RALGAPA1: variants seen among roughly 807,000 people sequenced by gnomAD.
RALGAPA1 encodes ral GTPase-activating protein subunit alpha-1.
RALGAPA1 carries 52 observed loss-of-function variants against 269.6 expected under a neutral mutation model. That is an observed-to-expected ratio of 0.19 (90% CI 0.15 to 0.24). The LOEUF is 0.24. RALGAPA1 is among the 10% of genes least tolerant of loss of function. RALGAPA1 has a pLI of 1.00. For missense variants in RALGAPA1, 1,917 were observed against 3,013.9 expected (o/e 0.64, Z 8.52); for synonymous variants, 817 against 1,008.3 (o/e 0.81, Z 3.60).
intron 37 of RALGAPA1, among the ~76,000 whole-genome samples, chr14:35,590,567 C>T (rs2058573492): frequency 6.6e-6 from 1 of 152,186 alleles, no homozygotes; most frequent in African/African-American, 2.4e-5. Context: ...CACTCCGTGG[C>T]CTGCCGCCAT....
At chr14:35,630,570 C>A (rs2061298716) in intron 33 of RALGAPA1, among the ~76,000 whole-genome samples, 1 of 151,958 alleles carries the variant, frequency 6.6e-6, no homozygotes, top group South Asian at 2.1e-4. Flanking sequence ...GTGTGAGTGA[C>A]TGCACCCACC....
At chr14:35,771,806 G>T (rs2074650499) in intron 3 of RALGAPA1, among the ~76,000 whole-genome samples, 1 of 152,048 alleles carries the variant, frequency 6.6e-6, no homozygotes, top group African/African-American at 2.4e-5. Context: ...AACAAGGTGG[G>T]AATACAGGCA....
At chr14:35,803,870 T>C (rs941570472) in intron 1 of RALGAPA1, among the ~76,000 whole-genome samples, 4 of 151,874 alleles carry the variant, frequency 2.6e-5, no homozygotes, top group Non-Finnish European at 5.9e-5. Context: ...GTGAGCCACC[T>C]GCCTCAGCCT....
At chr14:35,594,359 C>A (rs2058808513) in intron 37 of RALGAPA1, among the ~76,000 whole-genome samples, 1 of 152,074 alleles carries the variant, frequency 6.6e-6, no homozygotes, top group Non-Finnish European at 1.5e-5. Context: ...AACATATTTG[C>A]AAACCGCTTA....
chr14:35,732,147 A>T (rs1368483663), intron 12 of RALGAPA1, among the ~76,000 whole-genome samples: 1 of 152,192 alleles, frequency 6.6e-6, no homozygotes, highest in African/African-American at 2.4e-5. Flanking sequence ...AGCATCATAT[A>T]TGAAGGAAAG....
rs57282578 is a variant in RALGAPA1 at position 35,751,811 on chromosome 14, AC to A, written c.802+212del. ...AAAAAAAACAACAACAACAACAACA[AC>A]AAAAAAAAACAAAAAAAGAAAAACT... On this transcript the variant is annotated intron_variant, in intron 8 of 41. Coordinates refer to ENST00000680220, the MANE Select transcript of RALGAPA1 (RefSeq NM_001346249.2). Among the ~76,000 whole-genome samples, 186 of 119,166 alleles carry A rather than the reference AC, an allele frequency of 1.6e-3. 2 individuals are homozygous for A. In the South Asian group the frequency reaches 0.031, roughly 20 times the overall value. The allele number at this position is 119,166 out of a possible 152,430, so 78.2% of individuals were successfully genotyped here.
chr14:35,687,558 G>A (rs1372358394), intron 18 of RALGAPA1, among the ~76,000 whole-genome samples: 3 of 152,270 alleles, frequency 2.0e-5, no homozygotes, highest in Non-Finnish European at 2.9e-5. Flanking sequence ...ATTATACAGC[G>A]TTGTTAATCA....
chr14:35,540,327 A>C (rs1337663403), intron 41 of RALGAPA1, among the ~76,000 whole-genome samples: 1 of 151,904 alleles, frequency 6.6e-6, no homozygotes, highest in Non-Finnish European at 1.5e-5. Context: ...AGGCAAACTG[A>C]CTCCCCCAAA....
At chr14:35,575,596 C>CTTAT (rs1366014182) in intron 37 of RALGAPA1, among the ~76,000 whole-genome samples, 1 of 152,088 alleles carries the variant, frequency 6.6e-6, no homozygotes, top group East Asian at 1.9e-4. Flanking sequence ...CAACCCATTT[C>CTTAT]TTATTTATTT....
At chr14:35,595,453 T>C (rs1273842852) in intron 37 of RALGAPA1, among the ~76,000 whole-genome samples, 181 bp downstream of exon 37, 1 of 152,030 alleles carries the variant, frequency 6.6e-6, no homozygotes, top group South Asian at 2.1e-4. Context: ...ACCATATCAT[T>C]GTTTCTTAAA....
chr14:35,598,942 T>A (rs567602027), intron 36 of RALGAPA1, among the ~76,000 whole-genome samples: 28 of 152,312 alleles, frequency 1.8e-4, no homozygotes, highest in African/African-American at 6.5e-4. Context: ...AACTTGAACA[T>A]TTTCTAGAAC....
intron 1 of RALGAPA1, among the ~76,000 whole-genome samples, chr14:35,801,730 G>A (rs1402809218): frequency 1.3e-5 from 2 of 151,946 alleles, no homozygotes; most frequent in African/African-American, 2.4e-5. Flanking sequence ...AGCCAACCAG[G>A]AATAGAATGA....
chr14:35,769,376 C>A (rs1430754706), intron 4 of RALGAPA1, among the ~76,000 whole-genome samples: 1 of 152,026 alleles, frequency 6.6e-6, no homozygotes, highest in Non-Finnish European at 1.5e-5. Flanking sequence ...CATATACTCT[C>A]ATTTGTAAGT....
chr14:35,572,915 A>C (rs2057315837), intron 37 of RALGAPA1, 197 bp from the exon 38 acceptor site: 3 of 358,308 alleles, frequency 8.4e-6, no homozygotes, highest in South Asian at 9.0e-5. Flanking sequence ...AATTGTCAAT[A>C]ATCAATGGGT....
chr14:35,591,256 T>C (rs2058616428), intron 37 of RALGAPA1, among the ~76,000 whole-genome samples: 1 of 152,150 alleles, frequency 6.6e-6, no homozygotes, highest in Admixed American at 6.6e-5. Context: ...TTAGCTCAAA[T>C]GTATAGGATA....
intron 4 of RALGAPA1, among the ~76,000 whole-genome samples, chr14:35,763,799 G>T (rs1595472154): frequency 1.3e-5 from 2 of 151,862 alleles, no homozygotes. Context: ...TATATAGAGA[G>T]AGAGAGAGAG....
At chr14:35,545,838 A>C (rs2054408445) in intron 41 of RALGAPA1, among the ~76,000 whole-genome samples, 1 of 152,134 alleles carries the variant, frequency 6.6e-6, no homozygotes, top group South Asian at 2.1e-4. Flanking sequence ...GTACATATGA[A>C]CAAACAGTGT....
chr14:35,796,274 T>C (rs1160485728), intron 1 of RALGAPA1, among the ~76,000 whole-genome samples: 3 of 152,136 alleles, frequency 2.0e-5, no homozygotes, highest in Non-Finnish European at 4.4e-5. Flanking sequence ...GCAGATTACA[T>C]GTAGCAGAAG....
chr14:35,712,979 A>G (rs977779129), intron 16 of RALGAPA1, among the ~76,000 whole-genome samples: 13 of 152,230 alleles, frequency 8.5e-5, no homozygotes, highest in Middle Eastern at 3.2e-3. Context: ...TGAGACTGGA[A>G]AAGTGGGCAG....
Sources: gnomAD v4.1 joint callset for allele counts (sites outside exome capture counted in the v4.1 genomes callset) on GRCh38, gnomAD v4.1.1 for gene constraint, MANE v1.5 for transcripts, NCBI Gene and HGNC (gene_info 2026-07-23, HGNC 2026-07-21) for gene names.